Variants in RIN3 observed in about 807,000 individuals in gnomAD.
RIN3 encodes the protein RAB5 interacting protein 3.
Under a neutral mutation model 76.3 loss-of-function variants are expected in RIN3, and 54 were observed. That is an observed-to-expected ratio of 0.71 (90% CI 0.57 to 0.89). The LOEUF (loss-of-function observed/expected upper bound fraction) is 0.89, where lower values mean the gene tolerates loss of function less well. Among genes scored for constraint, RIN3 ranks in the 40% least tolerant of loss-of-function variants. RIN3 has a pLI of 0.00. For missense variants in RIN3, 1,256 were observed against 1,322.1 expected (o/e 0.95, Z 0.78); for synonymous variants, 576 against 564.0 (o/e 1.02, Z -0.30).
intron 8 of RIN3, among the ~76,000 whole-genome samples, chr14:92,677,546 C>T (rs181531532): frequency 7.2e-5 from 11 of 152,080 alleles, no homozygotes; most frequent in African/African-American, 2.4e-4. Flanking sequence ...CTCAGGGGAG[C>T]GTGTTAAAGC....
At position 92,688,281 on chromosome 14, in the gene RIN3, C is replaced by T. The variant is rs760790040; in HGVS notation, c.*29C>T. ...CCTCCCGGGGCGCCTCCCCTCACCCCCAGGCGCACGTCTGGCCCCGCCTCT... is the reference window on the plus strand; with the variant it reads ...CCTCCCGGGGCGCCTCCCCTCACCCTCAGGCGCACGTCTGGCCCCGCCTCT... On this transcript the variant is annotated 3_prime_UTR_variant, in exon 10 of 10. Coordinates refer to ENST00000216487, the MANE Select transcript of RIN3 (RefSeq NM_024832.5). The T allele has an allele frequency of 6.6e-7, 1 of 1,510,314 alleles. No homozygotes were observed. The highest frequency in any genetic ancestry group is 8.9e-7 in the Non-Finnish European group (1 of 1,129,384). The allele number at this position is 1,510,314 out of a possible 1,614,324, so 93.6% of individuals were successfully genotyped here. A position where few individuals can be genotyped will look rare whatever the true frequency, so the allele number is the denominator to read the frequency against.
At chr14:92,638,449 G>A (rs1886857944) in intron 4 of RIN3, among the ~76,000 whole-genome samples, 1 of 152,214 alleles carries the variant, frequency 6.6e-6, no homozygotes, top group Admixed American at 6.5e-5. Flanking sequence ...AGTCTGGGGT[G>A]TGACTGCAGC....
chr14:92,544,546 T>C (rs1033760811), intron 1 of RIN3, among the ~76,000 whole-genome samples: 3 of 151,944 alleles, frequency 2.0e-5, no homozygotes. Flanking sequence ...CTCTGACTTC[T>C]GAACTGACTT....
intron 3 of RIN3, among the ~76,000 whole-genome samples, chr14:92,587,066 G>A (rs1884803055): frequency 6.6e-6 from 1 of 152,184 alleles, no homozygotes; most frequent in Admixed American, 6.5e-5. Flanking sequence ...GGTGGGATTC[G>A]GCCAGGTCAC....
intron 3 of RIN3, among the ~76,000 whole-genome samples, chr14:92,582,765 G>A (rs1026537520): frequency 6.6e-6 from 1 of 152,142 alleles, no homozygotes; most frequent in Admixed American, 6.5e-5. Context: ...CCGTGTCCTT[G>A]TATTACTCCA....
intron 1 of RIN3, among the ~76,000 whole-genome samples, chr14:92,521,829 G>A (rs1184766199): frequency 6.6e-6 from 1 of 152,228 alleles, no homozygotes; most frequent in Non-Finnish European, 1.5e-5. Flanking sequence ...TGTATAAAAA[G>A]CTGCCGAACT....
Position 92,643,231 on chromosome 14 carries a change from T to G in RIN3, c.532+1902T>G, listed in dbSNP as rs751834520. On this transcript the variant is annotated intron_variant, in intron 5 of 9. Coordinates refer to ENST00000216487, the MANE Select transcript of RIN3 (RefSeq NM_024832.5). This position sits in a 1 kb window ranked among gnomAD's most constrained non-coding sequence, Gnocchi z 4.8. ...ACCACACCTGGCTAATTTTTGTATT[T>G]TTAGTAGAGACAGGGTTTCACCATA... 6.6e-6 allele frequency among the ~76,000 whole-genome samples: 1 copy of G among 152,104 alleles called. No individual in the cohort carries two copies. The highest frequency in any genetic ancestry group is 1.5e-5 in the Non-Finnish European group (1 of 68,016).
In RIN3 at chr14:92,648,090, CTTTT is replaced by C. The variant is rs35034984; in HGVS notation, c.533-3479_533-3476del. On this transcript the variant is annotated intron_variant, in intron 5 of 9. Coordinates refer to ENST00000216487, the MANE Select transcript of RIN3 (RefSeq NM_024832.5). The surrounding 1 kb of genome is among the most constrained non-coding windows in gnomAD (Gnocchi z 4.1). ...GCTGCAGAGAAAGTTACTCATTTCC[CTTTT>C]TTTTTTTTTTTTGGAGCATAAAGCC... 7.2e-6 allele frequency among the ~76,000 whole-genome samples: 1 copy of C among 138,828 alleles called. No individual in the cohort carries two copies. Among genetic ancestry groups the C allele is most frequent in the Non-Finnish European group, 1.5e-5 (1 of 64,924 alleles). The allele number at this position is 138,828 out of a possible 152,430, so 91.1% of individuals were successfully genotyped here.
At chr14:92,552,656 C>G (rs1897461660) in intron 1 of RIN3, among the ~76,000 whole-genome samples, 1 of 152,128 alleles carries the variant, frequency 6.6e-6, no homozygotes, top group African/African-American at 2.4e-5. Context: ...CTGGACATCT[C>G]TTCCCCAGAT....
intron 3 of RIN3, among the ~76,000 whole-genome samples, chr14:92,607,412 GGT>G (rs961396411): frequency 4.6e-5 from 7 of 152,214 alleles, no homozygotes; most frequent in African/African-American, 1.7e-4. Flanking sequence ...GGGAGACCAA[GGT>G]GGGAGGATTG....
rs10141810 is a variant in RIN3, at chr14:92,545,400, G to A, written c.45-10351G>A. 4.4e-3 allele frequency among the ~76,000 whole-genome samples: 674 copies of A among 152,060 alleles called. 2 individuals carry two copies. The highest frequency in any genetic ancestry group is 0.016 in the African/African-American group (646 of 41,512). On this transcript the variant is annotated intron_variant, in intron 1 of 9. Transcript: ENST00000216487. The stretch of plus-strand genomic sequence containing the variant: ...GCTGGGATTACAGGCAGGAGCCACC[G>A]CGCCCGGCCTAACTTTCTGTTTTGA...
At chr14:92,622,844 A>T (rs750629043) in intron 4 of RIN3, among the ~76,000 whole-genome samples, 2 of 152,258 alleles carry the variant, frequency 1.3e-5, no homozygotes, top group Non-Finnish European at 2.9e-5. Context: ...CTCTTTGAAG[A>T]GGAACTATTT....
chr14:92,611,462 T>C (rs756826665), intron 3 of RIN3, among the ~76,000 whole-genome samples: 2 of 152,118 alleles, frequency 1.3e-5, no homozygotes, highest in African/African-American at 2.4e-5. Flanking sequence ...GGTTTGACCA[T>C]GTTGGCCAGT....
intron 3 of RIN3, among the ~76,000 whole-genome samples, chr14:92,608,087 A>G (rs531500236): frequency 1.3e-3 from 202 of 152,320 alleles, no homozygotes; most frequent in African/African-American, 4.3e-3. Flanking sequence ...AAATATCTTG[A>G]TTGTGGTGAC....
At chr14:92,615,284 C>G in intron 3 of RIN3, 123 bp from the exon 4 acceptor site, 1 of 791,324 alleles carries the variant, frequency 1.3e-6, no homozygotes. Flanking sequence ...CGCATGCAGC[C>G]CAGCATGGGA....
Position 92,636,126 on chromosome 14 carries a change from G to T in RIN3, c.441-5112G>T, listed in dbSNP as rs201683772. On this transcript the variant is annotated intron_variant, in intron 4 of 9. Coordinates refer to ENST00000216487, the MANE Select transcript of RIN3 (RefSeq NM_024832.5). ...ACCTGCTTTGTGGAGCTGGTAAGAG[G>T]ATTTAAAGAGCTAATATACGTAAAG... Among the ~76,000 whole-genome samples, 5 of 152,230 alleles carry T rather than the reference G, an allele frequency of 3.3e-5. No homozygotes were observed. The East Asian group carries it at 9.6e-4, about 29-fold the overall frequency.
rs139182153 is a variant in RIN3, at chr14:92,574,711, A to C, written c.250-2649A>C. On this transcript the variant is annotated intron_variant, in intron 2 of 9. Transcript: ENST00000216487. ...TCGCCCCCTATTGCTCCTGCTTCTAATTCTCTCTTCATCCTGCTCTGCTGG... is the reference window on the plus strand; with the variant it reads ...TCGCCCCCTATTGCTCCTGCTTCTACTTCTCTCTTCATCCTGCTCTGCTGG... 2.9e-3 allele frequency among the ~76,000 whole-genome samples: 445 copies of C among 152,220 alleles called. 2 individuals carry two copies. The highest frequency in any genetic ancestry group is 0.01 in the African/African-American group (418 of 41,532).
chr14:92,599,814 C>T (rs879742544), intron 3 of RIN3, among the ~76,000 whole-genome samples: 18 of 152,172 alleles, frequency 1.2e-4, no homozygotes, highest in Admixed American at 1.2e-3. Flanking sequence ...GACAAGGCTA[C>T]TCTGTTCCTA....
chr14:92,661,723 T>TCTCACACACACACACA (rs1555392557), intron 7 of RIN3, among the ~76,000 whole-genome samples: 6 of 134,962 alleles, frequency 4.4e-5, no homozygotes, highest in Middle Eastern at 3.6e-3. Context: ...TGAGACTCTG[T>TCTCACACACACACACA]CACACACACA....
Sources: allele counts gnomAD v4.1 joint callset (sites outside exome capture counted in the v4.1 genomes callset), GRCh38; gene constraint gnomAD v4.1.1; non-coding constraint Gnocchi (gnomAD v3.1); transcripts MANE v1.5; gene names NCBI Gene and HGNC (gene_info 2026-07-23, HGNC 2026-07-21).